The following LRPPRC variants were observed in gnomAD, a reference collection of about 807,000 sequenced individuals.
The protein encoded by LRPPRC is leucine rich pentatricopeptide repeat containing, also known as leucine-rich PPR motif-containing protein, mitochondrial.
Under a neutral mutation model 180.3 loss-of-function variants are expected in LRPPRC, and 120 were observed. The observed-to-expected ratio is 0.67, with a 90% CI of 0.57 to 0.77. The LOEUF is 0.77. Ranked by LOEUF, LRPPRC falls within the 30% of genes least tolerant of loss-of-function variation. The pLI, the probability that LRPPRC is intolerant of heterozygous loss-of-function variation, is 0.00. For synonymous variants in LRPPRC, 723 were observed against 600.0 expected (o/e 1.21, Z -3.00); for missense variants, 2,012 against 1,657.2 (o/e 1.21, Z -3.72).
Position 43,948,161 on chromosome 2 carries a change from A to G in LRPPRC, c.1881T>C (p.Arg627=). ...KIPENIYRGI[R]NLLESYHVPE... ...GAACATGGTAGCTTTCCAGGAGATT[A>G]CGAATGCCTCTGTAGATATTTTCAG... The change falls in exon 18 of 38, where the codon CGT becomes CGC. Residue 627 remains arginine, a synonymous_variant. Transcript: ENST00000260665. 1.2e-6 allele frequency: 2 copies of G among 1,607,994 alleles called. No homozygotes were observed. The highest frequency in any genetic ancestry group is 1.7e-4 in the Middle Eastern group (1 of 6,050).
At chr2:43,902,364 C>A (rs1173329954) in intron 31 of LRPPRC, 1 of 152,132 alleles carries the variant, frequency 6.6e-6, no homozygotes, top group African/African-American at 2.4e-5. Context: ...AGTAGCCTAA[C>A]AATCACCCCT....
intron 12 of LRPPRC, 195 bp downstream of exon 12, chr2:43,963,393 A>C: frequency 1.6e-6 from 1 of 628,008 alleles, no homozygotes; most frequent in Non-Finnish European, 2.8e-6. Context: ...GCAGTGAGCC[A>C]AGATTGTGCC....
chr2:43,973,667 T>C lies in LRPPRC; in HGVS notation c.1309A>G (p.Ile437Val), dbSNP rs1274185103. 12 of 1,613,998 alleles carry C rather than the reference T, an allele frequency of 7.4e-6. No homozygotes were observed. Among genetic ancestry groups the C allele is most frequent in the South Asian group, 4.4e-5 (4 of 91,092 alleles). ...AATGGCCAGAAATAGTGAGGTCTGATAGGAAAACCTTCCTCCTTCACAGCC... is the reference window on the plus strand; with the variant it reads ...AATGGCCAGAAATAGTGAGGTCTGACAGGAAAACCTTCCTCCTTCACAGCC... The part of the protein sequence containing the change: ...MKAVKEEGFP[I>V]RPHYFWPLLV... Residue 437 changes from isoleucine (I) to valine (V), a missense_variant, in exon 11 of 38, where the codon ATC (isoleucine) becomes GTC (valine). Physicochemically the swap from Ile to Val is conservative, Grantham distance 29. Coordinates refer to ENST00000260665, the MANE Select transcript of LRPPRC (RefSeq NM_133259.4).
chr2:43,913,839 G>C (rs1671348141), intron 29 of LRPPRC, among the ~76,000 whole-genome samples: 1 of 152,142 alleles, frequency 6.6e-6, no homozygotes, highest in Admixed American at 6.5e-5. Context: ...ACGCTAATAT[G>C]CAAGAAGAAA....
intron 34 of LRPPRC, among the ~76,000 whole-genome samples, chr2:43,898,529 CAGTGGCAGCT>C (rs1453981439): frequency 6.6e-6 from 1 of 152,150 alleles, no homozygotes; most frequent in Non-Finnish European, 1.5e-5. Flanking sequence ...TGTACATTGC[CAGTGGCAGCT>C]AGGATCACCC....
At position 43,967,566 on chromosome 2, in the gene LRPPRC, C is replaced by T. The variant is rs550635319; in HGVS notation, c.1370-3860G>A. ...TTAATTAGCCAGGCATGGTGGCAGG[C>T]GCCTATAATCCCAGCTACTGGGGAG... On this transcript the variant is annotated intron_variant, in intron 11 of 37. Transcript: ENST00000260665. Among the ~76,000 whole-genome samples, 8 of 152,092 alleles carry T rather than the reference C, an allele frequency of 5.3e-5. No homozygotes were observed. The East Asian group carries it at 7.7e-4, about 15-fold the overall frequency.
chr2:43,889,713 C>A (rs1322328984), intron 37 of LRPPRC, 21 bp downstream of exon 37: 4 of 1,596,420 alleles, frequency 2.5e-6, no homozygotes, highest in Non-Finnish European at 3.4e-6. Context: ...TATTTTTTCC[C>A]CTTAATTAAG....
chr2:43,954,043 C>T (rs114391827), intron 14 of LRPPRC, among the ~76,000 whole-genome samples: 3,440 of 152,266 alleles, frequency 0.023, 50 homozygotes, highest in Non-Finnish European at 0.036. Flanking sequence ...TTTCCAAATA[C>T]CAAACTGAAC....
rs768328181 is a variant in LRPPRC at position 43,977,144 on chromosome 2, C to A, written c.591+11G>T. On this transcript the variant is annotated intron_variant, in intron 4 of 37. Coordinates refer to ENST00000260665, the MANE Select transcript of LRPPRC (RefSeq NM_133259.4). Reference sequence around the variant, plus strand: ...GGATGTGAAAATATATTCACAATAGCAACTACTTACTCGATTTGGTTGAAT... The same window carrying A: ...GGATGTGAAAATATATTCACAATAGAAACTACTTACTCGATTTGGTTGAAT... 6.2e-7 allele frequency: 1 copy of A among 1,611,268 alleles called. No individual in the cohort carries two copies. Among genetic ancestry groups the A allele is most frequent in the Admixed American group, 1.7e-5 (1 of 59,984 alleles).
chr2:43,979,611 A>G (rs1307399542), intron 3 of LRPPRC, among the ~76,000 whole-genome samples: 1 of 152,182 alleles, frequency 6.6e-6, no homozygotes, highest in Admixed American at 6.5e-5. Flanking sequence ...TTTTTAACTT[A>G]CCGTACTTGT....
chr2:43,913,532 T>A (rs1346280720), intron 29 of LRPPRC, among the ~76,000 whole-genome samples: 1 of 152,230 alleles, frequency 6.6e-6, no homozygotes, highest in East Asian at 1.9e-4. Flanking sequence ...TATGTATGAG[T>A]TAGGGAATGT....
chr2:43,906,024 T>C (rs1459882587), intron 30 of LRPPRC, among the ~76,000 whole-genome samples: 2 of 152,232 alleles, frequency 1.3e-5, no homozygotes, highest in South Asian at 2.1e-4. Flanking sequence ...GTACAAGATT[T>C]TTTTTAAACA....
At chr2:43,983,590 CATTT>C (rs2103750348) in intron 1 of LRPPRC, among the ~76,000 whole-genome samples, 1 of 152,250 alleles carries the variant, frequency 6.6e-6, no homozygotes, top group South Asian at 2.1e-4. Context: ...GTGGTTTACA[CATTT>C]ATTGCAAATA....
At chr2:43,943,290 T>C (rs1672552085) in intron 23 of LRPPRC, among the ~76,000 whole-genome samples, 1 of 152,034 alleles carries the variant, frequency 6.6e-6, no homozygotes, top group Non-Finnish European at 1.5e-5. Context: ...GTATTTAAAA[T>C]ACCCTGTGAA....
chr2:43,960,627 C>G lies in LRPPRC; in HGVS notation c.1496G>C (p.Gly499Ala). Residue 499 changes from glycine to alanine, a missense_variant, in exon 13 of 38, where the codon GGA (glycine) becomes GCA (alanine). Coordinates refer to ENST00000260665, the MANE Select transcript of LRPPRC (RefSeq NM_133259.4). ...NSARAILQEN[G>A]CLSDSDMFSQ... ...AAACATATCACTATCAGACAGACAT[C>G]CATTTTCCTGGAGATAAAGCATATA... 2 of 1,569,356 alleles carry G rather than the reference C, an allele frequency of 1.3e-6. No individual in the cohort carries two copies. The highest frequency in any genetic ancestry group is 1.8e-6 in the Non-Finnish European group (2 of 1,141,182).
intron 12 of LRPPRC, among the ~76,000 whole-genome samples, chr2:43,962,365 C>T (rs1673383121): frequency 6.6e-6 from 1 of 152,178 alleles, no homozygotes; most frequent in African/African-American, 2.4e-5. Flanking sequence ...TAAACCCTAA[C>T]ACTTCAGAAG....
intron 25 of LRPPRC, among the ~76,000 whole-genome samples, chr2:43,929,663 T>C (rs1004211750): frequency 9.9e-5 from 15 of 152,190 alleles, no homozygotes; most frequent in African/African-American, 3.6e-4. Context: ...AAGGATCAAC[T>C]ATATTTATCC....
At chr2:43,996,060 G>A, upstream of LRPPRC, 2 of 1,069,162 alleles carry the variant, frequency 1.9e-6, no homozygotes, top group Non-Finnish European at 2.7e-6. Flanking sequence ...GCCAAATGTG[G>A]GGGGAGCGAC....
intron 23 of LRPPRC, among the ~76,000 whole-genome samples, chr2:43,939,116 C>T (rs919305255): frequency 7.8e-6 from 1 of 128,224 alleles, no homozygotes; most frequent in African/African-American, 2.8e-5. Context: ...ACTAAAAATA[C>T]AAAAAAAAAA....
Sources: gnomAD v4.1 joint callset for allele counts (sites outside exome capture counted in the v4.1 genomes callset) on GRCh38, gnomAD v4.1.1 for gene constraint, MANE v1.5 for transcripts, NCBI Gene and HGNC (gene_info 2026-07-23, HGNC 2026-07-21) for gene names.